Variants in STARD3 observed in about 807,000 individuals in gnomAD.
The protein encoded by STARD3 is StAR related lipid transfer domain containing 3.
In STARD3, 39 loss-of-function variants were observed where a neutral mutation model predicts 62.0. The observed-to-expected ratio is 0.63, with a 90% CI of 0.49 to 0.82. The LOEUF (loss-of-function observed/expected upper bound fraction) is 0.82. Ranked by LOEUF, STARD3 falls within the 40% of genes least tolerant of loss-of-function variation. The pLI is 0.00. For synonymous variants in STARD3, 229 were observed against 242.4 expected (o/e 0.94, Z 0.51); for missense variants, 543 against 584.5 (o/e 0.93, Z 0.73).
chr17:39,649,446 A>G (rs192605667), intron 1 of STARD3, among the ~76,000 whole-genome samples: 110 of 152,390 alleles, frequency 7.2e-4, no homozygotes, highest in Admixed American at 4.4e-3. Context: ...AAGCATCTCT[A>G]TCAAAGAACG....
In STARD3 at chr17:39,658,800, C is replaced by A; in HGVS notation, c.626C>A (p.Ser209Ter). The change falls in exon 7 of 15, where the codon TCA becomes TAA. Residue 209 changes from serine (S) to a stop codon, truncating the protein, a stop_gained. Transcript: ENST00000336308. LOFTEE classifies it high-confidence loss of function. Reference sequence around the variant, plus strand: ...GCTCTGTCCGAGGGACAGTTCTATTCACCCCCAGAATCCTTTGCAGGTGAG... The same window carrying A: ...GCTCTGTCCGAGGGACAGTTCTATTAACCCCCAGAATCCTTTGCAGGTGAG... The part of the protein sequence containing the change: ...SGALSEGQFY[S>*]PPESFAGSDN... The A allele has an allele frequency of 6.2e-7, 1 of 1,613,998 alleles. No homozygotes were observed. The highest frequency in any genetic ancestry group is 1.1e-5 in the South Asian group (1 of 91,082).
At position 39,663,263 on chromosome 17, in the gene STARD3, C is replaced by A; in HGVS notation, c.*355C>A. ...TGGGCAGGGCAGGGCAGCCTGTCAC[C>A]CGTGTGAAGATGAAGGGGCTCTTCA... is the stretch of plus-strand genomic sequence containing the variant. On this transcript the variant is annotated 3_prime_UTR_variant, in exon 15 of 15. Coordinates refer to ENST00000336308, the MANE Select transcript of STARD3 (RefSeq NM_006804.4). 1 of 398,662 alleles carries A rather than the reference C, an allele frequency of 2.5e-6. No homozygotes were observed. The highest frequency in any genetic ancestry group is 4.4e-6 in the Non-Finnish European group (1 of 226,612). 24.7% of individuals were successfully genotyped at this position (398,662 alleles called of 1,614,324 possible). A position where few individuals can be genotyped will look rare whatever the true frequency, so the allele number is the denominator to read the frequency against.
At position 39,653,478 on chromosome 17, in the gene STARD3, C is replaced by T; in HGVS notation, c.-51-3C>T. 1 of 1,578,522 alleles carries T rather than the reference C, an allele frequency of 6.3e-7. No homozygotes were observed. The highest frequency in any genetic ancestry group is 8.6e-7 in the Non-Finnish European group (1 of 1,166,134). ...CAGGACTCTGCCTCTGCCTCGCCCC[C>T]AGCCCTGCTGCTGAGGCCGCGCCCT... On this transcript the variant is annotated splice_region_variant and splice_polypyrimidine_tract_variant and intron_variant, in intron 1 of 14. Coordinates refer to ENST00000336308, the MANE Select transcript of STARD3 (RefSeq NM_006804.4).
chr17:39,660,191 A>T lies in STARD3; in HGVS notation c.796-20A>T. ...CCCTGCCTCCACTCTCCTCCCTGCC[A>T]CCTTCTGTCCCTGCCATAGGAATAT... On this transcript the variant is annotated intron_variant, in intron 9 of 14. Coordinates refer to ENST00000336308, the MANE Select transcript of STARD3 (RefSeq NM_006804.4). This position sits in a 1 kb window ranked among gnomAD's most constrained non-coding sequence, Gnocchi z 4.8. The T allele has an allele frequency of 6.2e-7, 1 of 1,613,332 alleles. No homozygotes were observed. The highest frequency in any genetic ancestry group is 8.5e-7 in the Non-Finnish European group (1 of 1,179,724).
intron 14 of STARD3, chr17:39,662,555 G>C: frequency 1.6e-6 from 1 of 634,322 alleles, no homozygotes; most frequent in Non-Finnish European, 2.7e-6. Flanking sequence ...TTACCTCTGA[G>C]TCCTGAGGCC....
rs549906683 is a variant in STARD3 at position 39,660,576 on chromosome 17, G to A, written c.954+50G>A. On this transcript the variant is annotated intron_variant, in intron 11 of 14. Transcript: ENST00000336308. The surrounding 1 kb of genome is among the most constrained non-coding windows in gnomAD (Gnocchi z 4.8). Reference sequence around the variant, plus strand: ...AAGGCACAGATGGGGGCACAGCCACGCCTCAGTGGGATCACTGAAGCACTC... The same window carrying A: ...AAGGCACAGATGGGGGCACAGCCACACCTCAGTGGGATCACTGAAGCACTC... 101 of 1,589,496 alleles carry A rather than the reference G, an allele frequency of 6.4e-5. No homozygotes were observed. The Admixed American group carries it at 1.5e-3, about 23-fold the overall frequency.
intron 2 of STARD3, 113 bp from the exon 3 acceptor site, chr17:39,656,895 C>A: frequency 1.9e-6 from 2 of 1,026,230 alleles, no homozygotes; most frequent in African/African-American, 1.6e-5. Flanking sequence ...TTAGCATCAA[C>A]AGCCTCCCCT....
chr17:39,653,933 G>A (rs1028021224), intron 2 of STARD3, among the ~76,000 whole-genome samples, 183 bp downstream of exon 2: 1 of 152,198 alleles, frequency 6.6e-6, no homozygotes, highest in Non-Finnish European at 1.5e-5. Context: ...GTTCGGAGGG[G>A]TTGTGTCATT....
At chr17:39,654,027 G>GC (rs1231141245) in intron 2 of STARD3, among the ~76,000 whole-genome samples, 1 of 152,202 alleles carries the variant, frequency 6.6e-6, no homozygotes, top group Non-Finnish European at 1.5e-5. Context: ...CTTGGCCTCT[G>GC]CCCCATACTG....
intron 13 of STARD3, among the ~76,000 whole-genome samples, chr17:39,661,472 T>C (rs1270296879): frequency 6.6e-6 from 1 of 152,182 alleles, no homozygotes; most frequent in Non-Finnish European, 1.5e-5. Context: ...GGGTCCCCTT[T>C]CGTCCTCCTC....
chr17:39,659,199 C>A, intron 8 of STARD3, 93 bp downstream of exon 8: 1 of 1,516,998 alleles, frequency 6.6e-7, no homozygotes. Context: ...AGGGGTTTCC[C>A]AGTAGAGGCT....
chr17:39,640,781 G>T (rs1401932984), intron 1 of STARD3, among the ~76,000 whole-genome samples: 1 of 152,206 alleles, frequency 6.6e-6, no homozygotes, highest in African/African-American at 2.4e-5. Context: ...GTGTGTTAGG[G>T]TCTTCCTGTA....
intron 1 of STARD3, among the ~76,000 whole-genome samples, chr17:39,647,551 C>T (rs2057038427): frequency 6.6e-6 from 1 of 152,180 alleles, no homozygotes; most frequent in Non-Finnish European, 1.5e-5. Context: ...TACAGTCAGC[C>T]AGAGAATGAG....
intron 1 of STARD3, among the ~76,000 whole-genome samples, chr17:39,651,257 G>A (rs990979049): frequency 1.3e-5 from 2 of 152,208 alleles, no homozygotes; most frequent in African/African-American, 4.8e-5. Flanking sequence ...AGGGATGGAC[G>A]AGCTGGCTTG....
At chr17:39,638,596 C>T (rs1379018220) in intron 1 of STARD3, among the ~76,000 whole-genome samples, 1 of 152,222 alleles carries the variant, frequency 6.6e-6, no homozygotes, top group Admixed American at 6.5e-5. Context: ...TCCGCCTAAC[C>T]CCCAAGGTTA....
chr17:39,659,650 T>G lies in STARD3; in HGVS notation c.795+97T>G, dbSNP rs1597799751. ...GAAGAAACCCAAAGATTACATGGGT[T>G]GGAGCCATATTCCTGCCCCAAGAGA... On this transcript the variant is annotated intron_variant, in intron 9 of 14. Transcript: ENST00000336308. The G allele has an allele frequency of 9.4e-6, 12 of 1,277,644 alleles. No homozygotes were observed. The highest frequency in any genetic ancestry group is 2.2e-6 in the Non-Finnish European group (2 of 904,138). The allele number at this position is 1,277,644 out of a possible 1,614,324, so 79.1% of individuals were successfully genotyped here. A position where few individuals can be genotyped will look rare whatever the true frequency, so the allele number is the denominator to read the frequency against.
chr17:39,658,625 A>C (rs1194690887), intron 6 of STARD3, 97 bp from the exon 7 acceptor site: 2 of 1,570,376 alleles, frequency 1.3e-6, no homozygotes, highest in East Asian at 4.5e-5. Flanking sequence ...GCCACCTCTG[A>C]GCAGCCTCCA....
intron 1 of STARD3, 152 bp from the exon 2 acceptor site, chr17:39,653,329 C>T: frequency 1.6e-6 from 1 of 610,722 alleles, no homozygotes; most frequent in Non-Finnish European, 2.9e-6. Flanking sequence ...GGGAGCCAGG[C>T]TGGTGGAGGA....
chr17:39,653,830 G>A, intron 2 of STARD3, 80 bp downstream of exon 2: 2 of 1,534,036 alleles, frequency 1.3e-6, no homozygotes, highest in Non-Finnish European at 1.8e-6. Context: ...ACATGGGAGG[G>A]CTGCCTCTCC....
Sources: gnomAD v4.1 joint callset for allele counts (sites outside exome capture counted in the v4.1 genomes callset) on GRCh38, gnomAD v4.1.1 for gene constraint, Gnocchi (gnomAD v3.1) non-coding constraint, MANE v1.5 for transcripts, NCBI Gene and HGNC (gene_info 2026-07-23, HGNC 2026-07-21) for gene names.